PTPRA: variants seen among roughly 807,000 people sequenced by gnomAD.
PTPRA encodes receptor-type tyrosine-protein phosphatase alpha.
In PTPRA, 25 loss-of-function variants were observed where a neutral mutation model predicts 104.8. That is an observed-to-expected ratio of 0.24 (90% CI 0.17 to 0.33). PTPRA has a LOEUF of 0.33. Among genes scored for constraint, PTPRA ranks in the 10% least tolerant of loss-of-function variants. The pLI is 1.00. For missense variants in PTPRA, 765 were observed against 1,015.3 expected (o/e 0.75, Z 3.35); for synonymous variants, 323 against 368.9 (o/e 0.88, Z 1.43).
In PTPRA at chr20:3,010,455, C is replaced by T. The variant is rs867634694; in HGVS notation, c.906+3035C>T. On this transcript the variant is annotated intron_variant, in intron 11 of 23. Coordinates refer to ENST00000399903, the MANE Select transcript of PTPRA (RefSeq NM_001385305.1). Reference sequence around the variant, plus strand: ...CATCCTGGCTAACACGGTGAAACCCCGTCTCTACTAAAAATACAAAAAATT... The same window carrying T: ...CATCCTGGCTAACACGGTGAAACCCTGTCTCTACTAAAAATACAAAAAATT... 3.3e-5 allele frequency among the ~76,000 whole-genome samples: 5 copies of T among 151,846 alleles called. No individual in the cohort carries two copies. In the East Asian group the frequency reaches 5.9e-4, roughly 18 times the overall value.
chr20:3,038,218 T>C lies in PTPRA; in HGVS notation c.*85T>C. 7.7e-7 allele frequency: 1 copy of C among 1,305,856 alleles called. No homozygotes were observed. Among genetic ancestry groups the C allele is most frequent in the Non-Finnish European group, 1.1e-6 (1 of 913,668 alleles). The allele number at this position is 1,305,856 out of a possible 1,614,324, so 80.9% of individuals were successfully genotyped here. On this transcript the variant is annotated 3_prime_UTR_variant, in exon 24 of 24. Coordinates refer to ENST00000399903, the MANE Select transcript of PTPRA (RefSeq NM_001385305.1). ...TTGTTAATATACCCCAAATTGTGTA[T>C]ATATCTTATAACTGTTTTAGAAATT...
At chr20:2,867,102 G>A in the PTPRA span, among the ~76,000 whole-genome samples, 2 of 152,224 alleles carry the variant, frequency 1.3e-5, no homozygotes, top group Admixed American at 1.3e-4. Flanking sequence ...TTTACAGAAA[G>A]GAGATTGAGG....
At chr20:2,869,910 G>A (rs2089407561), upstream of PTPRA, among the ~76,000 whole-genome samples, 1 of 151,678 alleles carries the variant, frequency 6.6e-6, no homozygotes, top group Admixed American at 6.6e-5. Context: ...AGGAGGTGGA[G>A]GTTGCAGTGA....
chr20:2,931,585 A>C (rs1600131791), intron 2 of PTPRA, among the ~76,000 whole-genome samples: 2 of 152,304 alleles, frequency 1.3e-5, no homozygotes, highest in East Asian at 3.9e-4. Flanking sequence ...GGAAGCCAAT[A>C]CTGTAGACCC....
At chr20:2,995,290 T>TC (rs1331606517) in intron 9 of PTPRA, among the ~76,000 whole-genome samples, 1 of 149,322 alleles carries the variant, frequency 6.7e-6, no homozygotes, top group Admixed American at 6.7e-5. Context: ...TTACTTTTTT[T>TC]CCCCCGCTGT....
intron 5 of PTPRA, among the ~76,000 whole-genome samples, chr20:2,965,723 G>A (rs933205521): frequency 6.6e-6 from 1 of 152,208 alleles, no homozygotes; most frequent in East Asian, 1.9e-4. Flanking sequence ...TAGATATGGA[G>A]TGGCAGGCCA....
At chr20:2,899,162 C>G (rs939341283) in intron 1 of PTPRA, among the ~76,000 whole-genome samples, 1 of 152,124 alleles carries the variant, frequency 6.6e-6, no homozygotes, top group African/African-American at 2.4e-5. Context: ...TGATGAAACC[C>G]CATCTCTACC....
chr20:2,869,411 A>G (rs1165259672), upstream of PTPRA, among the ~76,000 whole-genome samples: 3 of 152,212 alleles, frequency 2.0e-5, no homozygotes, highest in Non-Finnish European at 2.9e-5. Flanking sequence ...TGACAGATGT[A>G]TAAGCCTATG....
rs770408852 is a variant in PTPRA, at chr20:3,027,205, G to A, written c.1785+8G>A. The A allele has an allele frequency of 1.4e-5, 22 of 1,613,416 alleles. No homozygotes were observed. Among genetic ancestry groups the A allele is most frequent in the Non-Finnish European group, 5.1e-6 (6 of 1,179,472 alleles). On this transcript the variant is annotated splice_region_variant and intron_variant, in intron 19 of 23. Transcript: ENST00000399903. ...AACGCATCCTTTATTGATGTAAGTG[G>A]TGGGTGTGACCCCTGAGCCCCCAAC... is the stretch of plus-strand genomic sequence containing the variant.
intron 1 of PTPRA, among the ~76,000 whole-genome samples, chr20:2,890,682 T>C (rs2058759948): frequency 6.6e-6 from 1 of 152,182 alleles, no homozygotes; most frequent in African/African-American, 2.4e-5. Flanking sequence ...TGAGTAAATG[T>C]GATCAACTTT....
At chr20:2,866,076 G>C in the PTPRA span, 2 of 749,424 alleles carry the variant, frequency 2.7e-6, no homozygotes, top group African/African-American at 3.5e-5. Flanking sequence ...ATGGGGGTTG[G>C]GGGATTATAT....
At chr20:2,864,424 C>T in the PTPRA span, 5 of 1,614,048 alleles carry the variant, frequency 3.1e-6, no homozygotes, top group South Asian at 4.4e-5. This position sits in a 1 kb window ranked among gnomAD's most constrained non-coding sequence, Gnocchi z 5.2. Flanking sequence ...TTTCATGACC[C>T]TTCGGAATCA....
intron 9 of PTPRA, among the ~76,000 whole-genome samples, chr20:3,003,528 G>A (rs761169620): frequency 7.2e-5 from 11 of 151,944 alleles, no homozygotes; most frequent in Non-Finnish European, 1.3e-4. Context: ...GAATTTTAAA[G>A]TGCCTCCCTT....
intron 1 of PTPRA, among the ~76,000 whole-genome samples, chr20:2,890,509 A>G (rs1221430644): frequency 6.6e-6 from 1 of 152,214 alleles, no homozygotes; most frequent in Non-Finnish European, 1.5e-5. Context: ...TCTTTAATAA[A>G]TGTTAGAAAA....
chr20:2,987,882 C>T (rs1167612394), intron 7 of PTPRA, 150 bp from the exon 8 acceptor site: 1 of 787,694 alleles, frequency 1.3e-6, no homozygotes. Flanking sequence ...CATGCTGCTG[C>T]CTCAGGGTGT....
chr20:3,037,048 G>A lies in PTPRA; in HGVS notation c.2199-106G>A, dbSNP rs1030318490. ...GCTGGTGGGTCCACAGGGCAAAGGC[G>A]AGCACCAGCTGCCTGCCCCCACCTC... On this transcript the variant is annotated intron_variant, in intron 22 of 23. Coordinates refer to ENST00000399903, the MANE Select transcript of PTPRA (RefSeq NM_001385305.1). The surrounding 1 kb of genome is among the most constrained non-coding windows in gnomAD (Gnocchi z 4.3). The A allele has an allele frequency of 1.0e-5, 15 of 1,499,964 alleles. No individual in the cohort carries two copies. In the South Asian group the frequency reaches 1.0e-4, roughly 10 times the overall value. The allele number at this position is 1,499,964 out of a possible 1,614,324, so 92.9% of individuals were successfully genotyped here. A position where few individuals can be genotyped will look rare whatever the true frequency, so the allele number is the denominator to read the frequency against.
intron 3 of PTPRA, among the ~76,000 whole-genome samples, chr20:2,959,800 A>G (rs1433007279): frequency 6.6e-6 from 1 of 152,078 alleles, no homozygotes; most frequent in East Asian, 1.9e-4. Context: ...ACAATACACA[A>G]ATTAGCTGGG....
In PTPRA at chr20:3,037,208, T is replaced by C. The variant is rs766212231; in HGVS notation, c.2253T>C (p.Arg751=). The change falls in exon 23 of 24, where the codon CGT becomes CGC. Residue 751 remains arginine (R), a synonymous_variant. Coordinates refer to ENST00000399903, the MANE Select transcript of PTPRA (RefSeq NM_001385305.1). This position sits in a 1 kb window ranked among gnomAD's most constrained non-coding sequence, Gnocchi z 4.3. ...GTGCCCTGAGCACCGTCCTGGAGCGTGTGAAAGCAGAGGGGATTTTGGATG... is the reference window on the plus strand; with the variant it reads ...GTGCCCTGAGCACCGTCCTGGAGCGCGTGAAAGCAGAGGGGATTTTGGATG... ...TFCALSTVLE[R]VKAEGILDVF... 6.2e-7 allele frequency: 1 copy of C among 1,614,164 alleles called. No individual in the cohort carries two copies. Among genetic ancestry groups the C allele is most frequent in the Admixed American group, 1.7e-5 (1 of 60,018 alleles).
At chr20:2,974,566 A>G (rs1381677763) in intron 5 of PTPRA, among the ~76,000 whole-genome samples, 2 of 152,004 alleles carry the variant, frequency 1.3e-5, no homozygotes, top group African/African-American at 4.8e-5. Flanking sequence ...AGCTGGGATT[A>G]TAGGCACCCA....
Sources: allele counts gnomAD v4.1 joint callset (sites outside exome capture counted in the v4.1 genomes callset), GRCh38; gene constraint gnomAD v4.1.1; non-coding constraint Gnocchi (gnomAD v3.1); transcripts MANE v1.5; gene names NCBI Gene and HGNC (gene_info 2026-07-23, HGNC 2026-07-21).